ADK: variants seen among roughly 807,000 people sequenced by gnomAD.
ADK encodes the protein adenosine kinase.
Under a neutral mutation model 44.7 loss-of-function variants are expected in ADK, and 24 were observed. The ratio of observed to expected loss-of-function variants is 0.54; its 90% confidence interval spans 0.39 to 0.76. The LOEUF (loss-of-function observed/expected upper bound fraction) is 0.76, where lower values mean the gene tolerates loss of function less well. ADK is among the 30% of genes least tolerant of loss of function. The probability of loss-of-function intolerance (pLI) is 0.00; values close to 1 mark genes in which losing one functional copy is unlikely to be tolerated. For synonymous variants in ADK, 128 were observed against 142.6 expected (o/e 0.90, Z 0.73); for missense variants, 321 against 425.1 (o/e 0.76, Z 2.15).
chr10:74,559,858 G>GT (rs535818789), intron 7 of ADK, among the ~76,000 whole-genome samples: 118 of 140,708 alleles, frequency 8.4e-4, no homozygotes, highest in African/African-American at 1.8e-3. Flanking sequence ...TTTTCATGTT[G>GT]TTTTTTTTTT....
intron 4 of ADK, among the ~76,000 whole-genome samples, chr10:74,356,014 T>TGTTG (rs757573274): frequency 7.8e-6 from 1 of 128,214 alleles, no homozygotes; most frequent in Non-Finnish European, 1.7e-5. Context: ...TTTTTTTTTT[T>TGTTG]TTTTTTTTTT....
chr10:74,599,986 C>A (rs1852058230), intron 8 of ADK, among the ~76,000 whole-genome samples: 1 of 152,050 alleles, frequency 6.6e-6, no homozygotes, highest in South Asian at 2.1e-4. Flanking sequence ...TTTGCTGATA[C>A]TTAGTCATTG....
intron 1 of ADK, among the ~76,000 whole-genome samples, chr10:74,166,901 A>G (rs1281383439): frequency 6.6e-6 from 1 of 152,140 alleles, no homozygotes; most frequent in African/African-American, 2.4e-5. Flanking sequence ...GCTTTGGATT[A>G]GGGATAAGGA....
chr10:74,591,541 T>C (rs1291657643), intron 8 of ADK, among the ~76,000 whole-genome samples: 1 of 152,178 alleles, frequency 6.6e-6, no homozygotes, highest in Non-Finnish European at 1.5e-5. Flanking sequence ...AGAAATTCAA[T>C]GATTTTATAA....
chr10:74,188,912 A>T (rs1045514185), intron 1 of ADK, among the ~76,000 whole-genome samples: 3 of 152,096 alleles, frequency 2.0e-5, no homozygotes, highest in Admixed American at 6.5e-5. Context: ...AGCTGGGACT[A>T]TAGGCGTGCA....
chr10:74,221,918 C>T (rs1380706720), intron 2 of ADK, among the ~76,000 whole-genome samples: 7 of 152,062 alleles, frequency 4.6e-5, no homozygotes, highest in Non-Finnish European at 1.0e-4. Context: ...CATAAAAACC[C>T]TAGAGGAAAA....
chr10:74,395,787 G>T (rs1392538080), intron 5 of ADK, among the ~76,000 whole-genome samples: 1 of 152,204 alleles, frequency 6.6e-6, no homozygotes, highest in African/African-American at 2.4e-5. Context: ...GGGAGGCCGA[G>T]TCAGGTGGAT....
chr10:74,315,055 C>A (rs1299374375), intron 4 of ADK, among the ~76,000 whole-genome samples: 1 of 151,652 alleles, frequency 6.6e-6, no homozygotes, highest in Non-Finnish European at 1.5e-5. Context: ...GATAGTATTC[C>A]TTTTTATTTT....
intron 10 of ADK, among the ~76,000 whole-genome samples, chr10:74,698,800 C>A (rs1037872971): frequency 6.6e-6 from 1 of 151,900 alleles, no homozygotes; most frequent in Non-Finnish European, 1.5e-5. Flanking sequence ...CTCAAATGAT[C>A]TGGGTGCCTC....
intron 1 of ADK, among the ~76,000 whole-genome samples, chr10:74,184,616 T>A (rs1842682366): frequency 6.6e-6 from 1 of 151,798 alleles, no homozygotes; most frequent in Non-Finnish European, 1.5e-5. Flanking sequence ...CCTCAAACTC[T>A]TGGTCAAGTG....
chr10:74,223,691 C>G (rs1844414585), intron 2 of ADK, among the ~76,000 whole-genome samples: 3 of 152,084 alleles, frequency 2.0e-5, no homozygotes, highest in African/African-American at 7.2e-5. Flanking sequence ...GATCCCTGAT[C>G]TAGTATTTAT....
intron 6 of ADK, among the ~76,000 whole-genome samples, chr10:74,477,399 G>A (rs1021793127): frequency 1.3e-5 from 2 of 151,904 alleles, no homozygotes; most frequent in African/African-American, 4.8e-5. Context: ...TTAGAGATAG[G>A]GTTTTTCCAT....
At chr10:74,320,072 A>C (rs1840758352) in intron 4 of ADK, among the ~76,000 whole-genome samples, 1 of 152,198 alleles carries the variant, frequency 6.6e-6, no homozygotes, top group South Asian at 2.1e-4. Context: ...TTACTTCTTC[A>C]TATGGCTTCT....
At chr10:74,267,292 A>G (rs980639655) in intron 3 of ADK, among the ~76,000 whole-genome samples, 1 of 152,170 alleles carries the variant, frequency 6.6e-6, no homozygotes, top group Non-Finnish European at 1.5e-5. Context: ...TATTCAAGGA[A>G]TGTGAAAGTT....
At chr10:74,486,335 T>C (rs1847268066) in intron 6 of ADK, among the ~76,000 whole-genome samples, 1 of 152,138 alleles carries the variant, frequency 6.6e-6, no homozygotes, top group Non-Finnish European at 1.5e-5. Flanking sequence ...AATTAACTCT[T>C]TTTTCTTTAG....
chr10:74,345,249 T>C (rs2131886575), intron 4 of ADK, among the ~76,000 whole-genome samples: 1 of 152,300 alleles, frequency 6.6e-6, no homozygotes, highest in South Asian at 2.1e-4. Context: ...TGGCTATTCT[T>C]TCTGACATTA....
At chr10:74,392,547 T>A (rs1365863068) in intron 4 of ADK, among the ~76,000 whole-genome samples, 1 of 152,196 alleles carries the variant, frequency 6.6e-6, no homozygotes. Context: ...TTATATATTC[T>A]GGATATTAAC....
intron 10 of ADK, among the ~76,000 whole-genome samples, chr10:74,706,313 A>G (rs1181403410): frequency 2.0e-5 from 3 of 152,234 alleles, no homozygotes; most frequent in African/African-American, 2.4e-5. Flanking sequence ...AGAAAAGTTC[A>G]TACTTTTTAC....
At chr10:74,649,199 C>T (rs1236265326) in intron 9 of ADK, among the ~76,000 whole-genome samples, 1 of 151,626 alleles carries the variant, frequency 6.6e-6, no homozygotes, top group African/African-American at 2.4e-5. Flanking sequence ...GATGACAGAC[C>T]GAGACTCCAT....
Sources: gnomAD v4.1 joint callset for allele counts (sites outside exome capture counted in the v4.1 genomes callset) on GRCh38, gnomAD v4.1.1 for gene constraint, MANE v1.5 for transcripts, NCBI Gene and HGNC (gene_info 2026-07-23, HGNC 2026-07-21) for gene names.